The following CNTN6 variants were observed in gnomAD, a reference collection of about 807,000 sequenced individuals.
CNTN6 encodes contactin-6.
A neutral mutation model predicts 122.8 loss-of-function variants in CNTN6; 137 were observed. The observed-to-expected ratio is 1.12, with a 90% CI of 0.97 to 1.29. The LOEUF is 1.29. CNTN6 is among the 50% of genes most tolerant of loss of function. CNTN6 has a pLI of 0.00. For missense variants in CNTN6, 1,634 were observed against 1,223.4 expected, an observed-to-expected ratio of 1.34 and a Z score of -5.01; for synonymous variants, 570 against 426.0, an observed-to-expected ratio of 1.34 and a Z score of -4.16.
chr3:1,274,841 A>G (rs1036800520), intron 4 of CNTN6, among the ~76,000 whole-genome samples: 7 of 152,144 alleles, frequency 4.6e-5, no homozygotes, highest in African/African-American at 1.7e-4. Context: ...GTAATTACCA[A>G]TATTCTAGGC....
rs180969310 is a variant in CNTN6, at chr3:1,237,509, T to G, written c.358+9516T>G. Among the ~76,000 whole-genome samples the G allele has an allele frequency of 2.4e-3, 367 of 152,242 alleles. 2 individuals are homozygous for G. Among genetic ancestry groups the G allele is most frequent in the Admixed American group, 4.8e-3 (74 of 15,298 alleles). ...TAATCCAGGAAAACTTCCTCAGCTT[T>G]GCTAGAGATCTAGACATCCAAATAC... is the stretch of plus-strand genomic sequence containing the variant. On this transcript the variant is annotated intron_variant, in intron 4 of 22. Coordinates refer to ENST00000446702, the MANE Select transcript of CNTN6 (RefSeq NM_001289080.2).
Position 1,387,380 on chromosome 3 carries a change from TG to T in CNTN6, c.2704+1584del. ...TCAATGTTGACTAAATCAATGAAGT[TG>T]TTGCCAGATAACTTGGATGTATGAT... On this transcript the variant is annotated intron_variant, in intron 20 of 22. Coordinates refer to ENST00000446702, the MANE Select transcript of CNTN6 (RefSeq NM_001289080.2). 2.0e-5 allele frequency among the ~76,000 whole-genome samples: 3 copies of T among 152,342 alleles called. No individual in the cohort carries two copies. The South Asian group carries it at 6.2e-4, about 32-fold the overall frequency.
chr3:1,376,965 T>C, intron 16 of CNTN6, 40 bp from the exon 17 acceptor site: 1 of 1,381,658 alleles, frequency 7.2e-7, no homozygotes, highest in Non-Finnish European at 1.0e-6. Context: ...AAGACGTACT[T>C]TAATAATTGC....
rs754634386 is a variant in CNTN6 at position 1,383,055 on chromosome 3, G to T, written c.2280G>T (p.Arg760Ser). The change falls in exon 18 of 23, where the codon AGG becomes AGT. Residue 760 changes from arginine (R) to serine (S), a missense_variant. Arg to Ser is a moderately radical substitution (Grantham distance 110). Transcript: ENST00000446702. Reference sequence around the variant, plus strand: ...AAGTGTCATCTGTGGAATCATCAAGGTTTGTCTACAGAAATGAAAGCATCA... The same window carrying T: ...AAGTGTCATCTGTGGAATCATCAAGTTTTGTCTACAGAAATGAAAGCATCA... ...KEKVSSVESS[R>S]FVYRNESIIP... 2 of 1,614,004 alleles carry T rather than the reference G, an allele frequency of 1.2e-6. No individual in the cohort carries two copies. Among genetic ancestry groups the T allele is most frequent in the South Asian group, 2.2e-5 (2 of 91,072 alleles).
rs368690765 is a variant in CNTN6 at position 1,295,570 on chromosome 3, G to C, written c.455-31G>C. ...AATGCAGTAAGGACAGTATGGTTTT[G>C]TTTTGTTTTGTTTTGTTTCTTGTTT... On this transcript the variant is annotated intron_variant, in intron 5 of 22. Coordinates refer to ENST00000446702, the MANE Select transcript of CNTN6 (RefSeq NM_001289080.2). 3.8e-6 allele frequency: 6 copies of C among 1,570,296 alleles called. No individual in the cohort carries two copies. In the Admixed American group the frequency reaches 1.0e-4, roughly 26 times the overall value.
At chr3:1,102,514 A>G (rs922625662) in intron 1 of CNTN6, among the ~76,000 whole-genome samples, 9 of 151,826 alleles carry the variant, frequency 5.9e-5, no homozygotes, top group Admixed American at 2.0e-4. Context: ...GCGGATCACC[A>G]GGTCAGGAGA....
intron 5 of CNTN6, among the ~76,000 whole-genome samples, chr3:1,280,459 A>ATTTTTTTTTTTTTCTTTT (rs1693179000): frequency 1.5e-5 from 1 of 66,652 alleles, no homozygotes; most frequent in Non-Finnish European, 2.7e-5. Context: ...TGTAATACCA[A>ATTTTTTTTTTTTTCTTTT]TTTTTTTTTT....
intron 3 of CNTN6, among the ~76,000 whole-genome samples, chr3:1,226,913 C>G (rs1384622289): frequency 6.6e-6 from 1 of 152,066 alleles, no homozygotes; most frequent in African/African-American, 2.4e-5. Flanking sequence ...GTCTATGTGA[C>G]TATACACAGC....
chr3:1,260,926 G>C (rs189432542), intron 4 of CNTN6, among the ~76,000 whole-genome samples: 1 of 152,174 alleles, frequency 6.6e-6, no homozygotes, highest in Admixed American at 6.6e-5. Context: ...AGGTATGTCT[G>C]TATTAGCAGT....
At chr3:1,217,192 T>C (rs1430181368) in intron 2 of CNTN6, among the ~76,000 whole-genome samples, 1 of 152,222 alleles carries the variant, frequency 6.6e-6, no homozygotes, top group Non-Finnish European at 1.5e-5. Context: ...AGTAGCTCTA[T>C]GGTCTTTCCA....
intron 1 of CNTN6, among the ~76,000 whole-genome samples, chr3:1,103,605 T>G (rs1288970346): frequency 2.6e-5 from 4 of 152,202 alleles, no homozygotes; most frequent in African/African-American, 9.6e-5. Flanking sequence ...AAAGAGAGAC[T>G]GGAGTTTAAA....
chr3:1,341,916 T>A (rs1703949350), intron 11 of CNTN6, among the ~76,000 whole-genome samples: 1 of 152,136 alleles, frequency 6.6e-6, no homozygotes, highest in South Asian at 2.1e-4. Context: ...TGTATTTGAG[T>A]CTATTTCTAA....
intron 1 of CNTN6, among the ~76,000 whole-genome samples, chr3:1,115,574 C>G (rs936301359): frequency 6.6e-6 from 1 of 152,050 alleles, no homozygotes; most frequent in African/African-American, 2.4e-5. Context: ...ATGGTGAAAT[C>G]CCGTGTCTAC....
intron 2 of CNTN6, among the ~76,000 whole-genome samples, chr3:1,185,594 C>T (rs1499098): frequency 0.073 from 11,085 of 152,186 alleles, 505 homozygotes; most frequent in Middle Eastern, 0.11. Flanking sequence ...TAATAGATTT[C>T]AGGATATAAA....
chr3:1,097,700 G>C lies in CNTN6; in HGVS notation c.-83+4580G>C, dbSNP rs542478533. 2.6e-4 allele frequency among the ~76,000 whole-genome samples: 40 copies of C among 152,238 alleles called. No individual in the cohort carries two copies. The East Asian group carries it at 6.8e-3, about 26-fold the overall frequency. ...AGATAATATTAGTATTGACTTTACAGTATTTTCAAGAGAATTCAGCAGGTA... is the reference window on the plus strand; with the variant it reads ...AGATAATATTAGTATTGACTTTACACTATTTTCAAGAGAATTCAGCAGGTA... On this transcript the variant is annotated intron_variant, in intron 1 of 22. Coordinates refer to ENST00000446702, the MANE Select transcript of CNTN6 (RefSeq NM_001289080.2).
At chr3:1,195,251 C>G (rs2093759683) in intron 2 of CNTN6, among the ~76,000 whole-genome samples, 1 of 152,156 alleles carries the variant, frequency 6.6e-6, no homozygotes, top group African/African-American at 2.4e-5. Flanking sequence ...TTCTCTGCCT[C>G]TAAACTGAGC....
chr3:1,202,499 C>A (rs987038963), intron 2 of CNTN6, among the ~76,000 whole-genome samples: 13 of 150,522 alleles, frequency 8.6e-5, no homozygotes, highest in African/African-American at 3.2e-4. Context: ...CAAGATGGCG[C>A]CACCGCCCTC....
At chr3:1,401,400 CA>C (rs1233708412) in intron 20 of CNTN6, 32 bp from the exon 21 acceptor site, 3 of 1,544,258 alleles carry the variant, frequency 1.9e-6, no homozygotes, top group Non-Finnish European at 1.8e-6. Flanking sequence ...AGCTAATTAA[CA>C]TTCATTTGGA....
At chr3:1,195,290 T>C (rs1356365854) in intron 2 of CNTN6, among the ~76,000 whole-genome samples, 1 of 152,182 alleles carries the variant, frequency 6.6e-6, no homozygotes, top group Non-Finnish European at 1.5e-5. Flanking sequence ...CCCTGCATGG[T>C]GGGTCCTGCC....
Sources: allele counts gnomAD v4.1 joint callset (sites outside exome capture counted in the v4.1 genomes callset), GRCh38; gene constraint gnomAD v4.1.1; transcripts MANE v1.5; gene names NCBI Gene and HGNC (gene_info 2026-07-23, HGNC 2026-07-21).